MCTP2: variants seen among roughly 807,000 people sequenced by gnomAD.
The protein encoded by MCTP2 is multiple C2 and transmembrane domain-containing protein 2.
A neutral mutation model predicts 111.6 loss-of-function variants in MCTP2; 132 were observed. That is an observed-to-expected ratio of 1.18 (90% CI 1.03 to 1.37). MCTP2 has a LOEUF of 1.37. MCTP2 is among the 40% of genes most tolerant of loss of function. The pLI is 0.00. For missense variants in MCTP2, 1,183 were observed against 1,067.9 expected (o/e 1.11, Z -1.50); for synonymous variants, 395 against 387.7 (o/e 1.02, Z -0.22).
intron 17 of MCTP2, among the ~76,000 whole-genome samples, chr15:94,421,187 A>G (rs1163446098): frequency 1.3e-4 from 19 of 151,960 alleles, no homozygotes; most frequent in African/African-American, 3.6e-4. Flanking sequence ...TAATGTTGCA[A>G]CTTACCATTG....
At chr15:94,341,107 G>T in intron 7 of MCTP2, 183 bp downstream of exon 7, 1 of 494,176 alleles carries the variant, frequency 2.0e-6, no homozygotes, top group Non-Finnish European at 3.6e-6. Flanking sequence ...TTGAGGAACC[G>T]GAAAGGAAAT....
rs1408065788 is a variant in MCTP2 at position 94,298,683 on chromosome 15, G to T, written c.418G>T (p.Asp140Tyr). 1.2e-6 allele frequency: 2 copies of T among 1,613,066 alleles called. No individual in the cohort carries two copies. The highest frequency in any genetic ancestry group is 8.5e-7 in the Non-Finnish European group (1 of 1,179,746). ...RRRVSSNGIF[D>Y]LQKTSLGGDA... is the part of the protein sequence containing the mutation. Reference sequence around the variant, plus strand: ...ACGGGTGTCCAGCAACGGCATCTTTGATCTTCAGAAAACTTCCCTTGGAGG... The same window carrying T: ...ACGGGTGTCCAGCAACGGCATCTTTTATCTTCAGAAAACTTCCCTTGGAGG... The change falls in exon 2 of 23, where the codon GAT (aspartate) becomes TAT (tyrosine). Residue 140 changes from aspartate (D) to tyrosine (Y), a missense_variant. By Grantham distance (160) the Asp-to-Tyr change is radical (BLOSUM62 -3). Coordinates refer to ENST00000357742, the MANE Select transcript of MCTP2 (RefSeq NM_001385001.1).
intron 12 of MCTP2, among the ~76,000 whole-genome samples, chr15:94,376,732 A>C (rs1302009540): frequency 6.6e-6 from 1 of 152,224 alleles, no homozygotes; most frequent in African/African-American, 2.4e-5. Context: ...AGCCACTTTT[A>C]GAAATCTAGT....
intron 19 of MCTP2, among the ~76,000 whole-genome samples, chr15:94,454,562 A>C (rs1015486920): frequency 2.0e-4 from 31 of 151,786 alleles, no homozygotes; most frequent in African/African-American, 7.5e-4. Context: ...AAGATATCTC[A>C]GTTAACTTAA....
At chr15:94,345,584 A>G (rs11855984) in intron 8 of MCTP2, among the ~76,000 whole-genome samples, 3,671 of 152,282 alleles carry the variant, frequency 0.024, 155 homozygotes, top group African/African-American at 0.082. Context: ...TGAAAAAGCC[A>G]TTTATAAATT....
chr15:94,233,040 G>T (rs1484483667), intron 1 of MCTP2, among the ~76,000 whole-genome samples: 1 of 152,172 alleles, frequency 6.6e-6, no homozygotes, highest in African/African-American at 2.4e-5. Flanking sequence ...ATTTCTGAGT[G>T]CAGAACTCGT....
At chr15:94,414,038 T>G (rs980554875) in intron 17 of MCTP2, among the ~76,000 whole-genome samples, 2 of 152,206 alleles carry the variant, frequency 1.3e-5, no homozygotes, top group African/African-American at 4.8e-5. Context: ...ACCTTTGCAG[T>G]GTACATTTTC....
chr15:94,244,210 AC>A (rs1171592504), intron 1 of MCTP2, among the ~76,000 whole-genome samples: 44 of 143,736 alleles, frequency 3.1e-4, no homozygotes, highest in African/African-American at 1.1e-3. Flanking sequence ...ACGTGTATAC[AC>A]ATACATATGT....
chr15:94,435,629 C>CTTTTTT (rs202170550), intron 17 of MCTP2, among the ~76,000 whole-genome samples: 7 of 117,928 alleles, frequency 5.9e-5, no homozygotes, highest in African/African-American at 1.9e-4. Flanking sequence ...TTTTTTTATT[C>CTTTTTT]TTTTTTTTTT....
intron 1 of MCTP2, among the ~76,000 whole-genome samples, chr15:94,289,939 A>C (rs2074956426): frequency 6.6e-6 from 1 of 152,190 alleles, no homozygotes; most frequent in Non-Finnish European, 1.5e-5. Flanking sequence ...AGAGGAAAAC[A>C]AAATAGTGGG....
intron 14 of MCTP2, among the ~76,000 whole-genome samples, chr15:94,396,405 T>C (rs2081283035): frequency 6.6e-6 from 1 of 152,148 alleles, no homozygotes; most frequent in South Asian, 2.1e-4. Flanking sequence ...TTCAGACTTT[T>C]AAATATAAAT....
At chr15:94,351,427 T>C (rs1465551922) in intron 8 of MCTP2, among the ~76,000 whole-genome samples, 1 of 152,220 alleles carries the variant, frequency 6.6e-6, no homozygotes, top group African/African-American at 2.4e-5. Context: ...GCTCAATGTT[T>C]TCTCTTTAGT....
intron 17 of MCTP2, among the ~76,000 whole-genome samples, chr15:94,404,601 C>T (rs563484907): frequency 7.9e-5 from 12 of 152,040 alleles, no homozygotes; most frequent in Admixed American, 2.6e-4. Context: ...ACCTGGCCTC[C>T]GTTTCATCTT....
At chr15:94,304,874 T>C (rs2075808754) in intron 2 of MCTP2, among the ~76,000 whole-genome samples, 1 of 152,182 alleles carries the variant, frequency 6.6e-6, no homozygotes, top group South Asian at 2.1e-4. Flanking sequence ...TCCAAACTTT[T>C]ATTGAGGCTT....
chr15:94,365,564 G>C (rs1596481572), intron 10 of MCTP2, among the ~76,000 whole-genome samples: 1 of 152,168 alleles, frequency 6.6e-6, no homozygotes, highest in East Asian at 1.9e-4. Flanking sequence ...CAGTCGCTAG[G>C]AAAATTTTCA....
chr15:94,369,306 G>A (rs1208985017), intron 11 of MCTP2, among the ~76,000 whole-genome samples: 1 of 152,118 alleles, frequency 6.6e-6, no homozygotes, highest in East Asian at 1.9e-4. Flanking sequence ...CAGGTTTTTA[G>A]CTATCTAATG....
chr15:94,245,780 C>T (rs1274050610), intron 1 of MCTP2, among the ~76,000 whole-genome samples: 1 of 149,596 alleles, frequency 6.7e-6, no homozygotes, highest in African/African-American at 2.5e-5. Flanking sequence ...GAAGGTGAAA[C>T]CTAGTCAATG....
chr15:94,346,875 C>T (rs574063966), intron 8 of MCTP2, among the ~76,000 whole-genome samples: 85 of 152,050 alleles, frequency 5.6e-4, no homozygotes, highest in African/African-American at 1.9e-3. Flanking sequence ...ATGTATACTT[C>T]AGAGTTGTGT....
intron 21 of MCTP2, among the ~76,000 whole-genome samples, chr15:94,473,260 C>G (rs1236525756): frequency 3.9e-5 from 6 of 152,056 alleles, no homozygotes; most frequent in Non-Finnish European, 8.8e-5. Context: ...CTCTTTAGCC[C>G]TATAATTCTT....
Sources: allele counts gnomAD v4.1 joint callset (sites outside exome capture counted in the v4.1 genomes callset), GRCh38; gene constraint gnomAD v4.1.1; transcripts MANE v1.5; gene names NCBI Gene and HGNC (gene_info 2026-07-23, HGNC 2026-07-21).